The following CIT variants were observed in gnomAD, a reference collection of about 807,000 sequenced individuals.
CIT encodes the protein citron Rho-interacting kinase.
Under a neutral mutation model 272.7 loss-of-function variants are expected in CIT, and 79 were observed. The observed-to-expected ratio is 0.29, with a 90% CI of 0.24 to 0.35. CIT has a LOEUF of 0.35. Ranked by LOEUF, CIT falls within the 10% of genes least tolerant of loss-of-function variation. The pLI is 1.00. For missense variants in CIT, 1,909 were observed against 2,618.3 expected, an observed-to-expected ratio of 0.73 and a Z score of 5.91; for synonymous variants, 948 against 995.6, an observed-to-expected ratio of 0.95 and a Z score of 0.90.
Position 119,757,552 on chromosome 12 carries a change from G to C in CIT, c.2532-7C>G. The C allele has an allele frequency of 6.5e-7, 1 of 1,549,160 alleles. No homozygotes were observed. The highest frequency in any genetic ancestry group is 8.7e-7 in the Non-Finnish European group (1 of 1,146,458). ...CATCTCTTCTTGGGCCTTCCTGGTG[G>C]GGGTGGTGGGAGGATCCAAACAAAA... On this transcript the variant is annotated splice_polypyrimidine_tract_variant and splice_region_variant and intron_variant, in intron 21 of 47. Transcript: ENST00000392521.
At chr12:119,754,315 G>A (rs1960658041) in intron 22 of CIT, among the ~76,000 whole-genome samples, 1 of 152,188 alleles carries the variant, frequency 6.6e-6, no homozygotes, top group African/African-American at 2.4e-5. Flanking sequence ...ACATGTTGCT[G>A]TATTCCTGCA....
intron 3 of CIT, among the ~76,000 whole-genome samples, chr12:119,858,135 G>A (rs978400671): frequency 9.2e-5 from 14 of 152,140 alleles, no homozygotes; most frequent in Admixed American, 1.3e-4. Context: ...AACTACATGC[G>A]CTTAGTTTTA....
At chr12:119,752,269 A>AG (rs1960366906) in intron 22 of CIT, 22 bp from the exon 23 acceptor site, 4 of 1,580,566 alleles carry the variant, frequency 2.5e-6, no homozygotes, top group African/African-American at 2.7e-5. Flanking sequence ...AGAGAGAGAG[A>AG]AAGAGAGATA....
At chr12:119,826,162 C>T (rs1342381250) in intron 7 of CIT, among the ~76,000 whole-genome samples, 3 of 152,082 alleles carry the variant, frequency 2.0e-5, no homozygotes. Context: ...TTGGAATTAA[C>T]GTTCCTACTT....
At chr12:119,867,130 A>G (rs1950538553) in intron 3 of CIT, among the ~76,000 whole-genome samples, 1 of 152,136 alleles carries the variant, frequency 6.6e-6, no homozygotes, top group South Asian at 2.1e-4. Context: ...CCAATGTAAT[A>G]CAGAGCAGAG....
At position 119,686,913 on chromosome 12, in the gene CIT, G is replaced by A. The variant is rs1030235573; in HGVS notation, c.*1319C>T. On this transcript the variant is annotated 3_prime_UTR_variant, in exon 48 of 48. Coordinates refer to ENST00000392521, the MANE Select transcript of CIT (RefSeq NM_001206999.2). Reference sequence around the variant, plus strand: ...TGCTTTCTCAAACTTCCTGGTCTTAGGTCTAGCCCTAGGGAAAGGCTCATT... The same window carrying A: ...TGCTTTCTCAAACTTCCTGGTCTTAAGTCTAGCCCTAGGGAAAGGCTCATT... 6.5e-6 allele frequency: 1 copy of A among 152,834 alleles called. No individual in the cohort carries two copies. The highest frequency in any genetic ancestry group is 2.4e-5 in the African/African-American group (1 of 41,562). 9.5% of individuals were successfully genotyped at this position (152,834 alleles called of 1,614,324 possible).
chr12:119,687,107 T>G lies in CIT; in HGVS notation c.*1125A>C, dbSNP rs747557585. 5.2e-5 allele frequency: 8 copies of G among 152,780 alleles called. No individual in the cohort carries two copies. The highest frequency in any genetic ancestry group is 7.3e-5 in the Non-Finnish European group (5 of 68,194). 9.5% of individuals were successfully genotyped at this position (152,780 alleles called of 1,614,324 possible). Reference sequence around the variant, plus strand: ...CTTGAGCGTTTTGTTTTTTGTTTGTTCAGTGCTACAGACTGCAGCTTGTGG... The same window carrying G: ...CTTGAGCGTTTTGTTTTTTGTTTGTGCAGTGCTACAGACTGCAGCTTGTGG... On this transcript the variant is annotated 3_prime_UTR_variant, in exon 48 of 48. Transcript: ENST00000392521.
At position 119,758,717 on chromosome 12, in the gene CIT, C is replaced by T; in HGVS notation, c.2422-17G>A. On this transcript the variant is annotated splice_polypyrimidine_tract_variant and intron_variant, in intron 20 of 47. Coordinates refer to ENST00000392521, the MANE Select transcript of CIT (RefSeq NM_001206999.2). ...ATTGATCATCTGAAACACAGGGCACCTATGAAACTTCACACACCAGAACAG... is the reference window on the plus strand; with the variant it reads ...ATTGATCATCTGAAACACAGGGCACTTATGAAACTTCACACACCAGAACAG... The T allele has an allele frequency of 6.6e-7, 1 of 1,524,914 alleles. No individual in the cohort carries two copies. Among genetic ancestry groups the T allele is most frequent in the Non-Finnish European group, 9.1e-7 (1 of 1,098,554 alleles). 94.5% of individuals were successfully genotyped at this position (1,524,914 alleles called of 1,614,324 possible). A position where few individuals can be genotyped will look rare whatever the true frequency, so the allele number is the denominator to read the frequency against.
chr12:119,706,879 T>C (rs554184659), intron 40 of CIT, among the ~76,000 whole-genome samples: 1 of 152,360 alleles, frequency 6.6e-6, no homozygotes, highest in South Asian at 2.1e-4. Flanking sequence ...TCCACAATGG[T>C]TGAACTAATT....
intron 17 of CIT, 124 bp downstream of exon 17, chr12:119,772,646 G>A (rs1963296838): frequency 9.2e-7 from 1 of 1,090,044 alleles, no homozygotes. Context: ...AGGTTTCAAA[G>A]GGATCTTCAG....
chr12:119,836,284 TAAAAAAAAAAAAAAAAAAAAAA>T (rs201559880), intron 5 of CIT, among the ~76,000 whole-genome samples: 3,870 of 42,392 alleles, frequency 0.091, 153 homozygotes, highest in East Asian at 0.35. Context: ...AGACTCCATC[TAAAAAAAAAAAAAAAAAAAAAA>T]AAAAAAAATT....
chr12:119,805,666 T>C (rs999808999), intron 9 of CIT, among the ~76,000 whole-genome samples: 2 of 152,252 alleles, frequency 1.3e-5, no homozygotes, highest in South Asian at 2.1e-4. Context: ...TAGAATTCCA[T>C]TTCTGAGTGA....
At chr12:119,800,740 C>T (rs1157000553) in intron 10 of CIT, among the ~76,000 whole-genome samples, 1 of 152,230 alleles carries the variant, frequency 6.6e-6, no homozygotes, top group African/African-American at 2.4e-5. Flanking sequence ...GGGTCGCTGG[C>T]AGCAAAGGTG....
At chr12:119,842,223 T>C (rs536635134) in intron 5 of CIT, among the ~76,000 whole-genome samples, 2 of 151,958 alleles carry the variant, frequency 1.3e-5, no homozygotes, top group African/African-American at 4.8e-5. Flanking sequence ...ACTCCGTCTC[T>C]ACTAAAACAA....
chr12:119,875,166 G>A (rs907755657), intron 2 of CIT, among the ~76,000 whole-genome samples: 4 of 152,046 alleles, frequency 2.6e-5, no homozygotes, highest in Non-Finnish European at 5.9e-5. Context: ...AGCCAGGTAT[G>A]GTGGCACACA....
intron 46 of CIT, among the ~76,000 whole-genome samples, chr12:119,691,428 C>T (rs1000357100): frequency 6.6e-6 from 1 of 152,126 alleles, no homozygotes; most frequent in African/African-American, 2.4e-5. Flanking sequence ...CCTCTGCCCC[C>T]ATGTGGCTTT....
At position 119,784,583 on chromosome 12, in the gene CIT, T is replaced by G; in HGVS notation, c.1401+377A>C. On this transcript the variant is annotated intron_variant, in intron 11 of 47. Coordinates refer to ENST00000392521, the MANE Select transcript of CIT (RefSeq NM_001206999.2). This position sits in a 1 kb window ranked among gnomAD's most constrained non-coding sequence, Gnocchi z 4.7. ...AGCGTAATCAACACAGTGGCCGCAG[T>G]GACATAAGCAGGAGTTTTAAAAGAC... 1.7e-6 allele frequency: 2 copies of G among 1,172,176 alleles called. No individual in the cohort carries two copies. The highest frequency in any genetic ancestry group is 2.1e-6 in the Non-Finnish European group (2 of 941,368). The allele number at this position is 1,172,176 out of a possible 1,614,324, so 72.6% of individuals were successfully genotyped here.
chr12:119,708,448 T>C, intron 39 of CIT, 130 bp from the exon 40 acceptor site: 1 of 919,154 alleles, frequency 1.1e-6, no homozygotes, highest in Non-Finnish European at 1.5e-6. Context: ...TTTCCACAAA[T>C]CCATATAAAC....
intron 26 of CIT, among the ~76,000 whole-genome samples, chr12:119,732,208 C>G (rs1958496177): frequency 6.6e-6 from 1 of 151,592 alleles, no homozygotes; most frequent in Non-Finnish European, 1.5e-5. Context: ...AATACCAAAA[C>G]AGAAAAAAGA....
Sources: gnomAD v4.1 joint callset for allele counts (sites outside exome capture counted in the v4.1 genomes callset) on GRCh38, gnomAD v4.1.1 for gene constraint, Gnocchi (gnomAD v3.1) non-coding constraint, MANE v1.5 for transcripts, NCBI Gene and HGNC (gene_info 2026-07-23, HGNC 2026-07-21) for gene names.